The following CTNND2 variants were observed in gnomAD, a reference collection of about 807,000 sequenced individuals.
CTNND2 encodes the protein catenin delta-2.
CTNND2 carries 22 observed loss-of-function variants against 144.4 expected under a neutral mutation model. The ratio of observed to expected loss-of-function variants is 0.15; its 90% CI spans 0.11 to 0.22. The LOEUF (loss-of-function observed/expected upper bound fraction) is 0.22, where lower values mean the gene tolerates loss of function less well. CTNND2 is among the 10% of genes least tolerant of loss of function. CTNND2 has a pLI of 1.00. For missense variants in CTNND2, 1,353 were observed against 1,618.8 expected, an observed-to-expected ratio of 0.84 and a Z score of 2.82; for synonymous variants, 751 against 695.6, an observed-to-expected ratio of 1.08 and a Z score of -1.25.
At chr5:11,679,002 C>T (rs915115988) in intron 2 of CTNND2, among the ~76,000 whole-genome samples, 1 of 151,954 alleles carries the variant, frequency 6.6e-6, no homozygotes, top group Admixed American at 6.6e-5. Flanking sequence ...TCTGGAATTA[C>T]ATTACTCTCA....
In CTNND2 at chr5:11,198,977, T is replaced by G. The variant is rs61751782; in HGVS notation, c.1975+471A>C. On this transcript the variant is annotated intron_variant, in intron 11 of 21. Coordinates refer to ENST00000304623, the MANE Select transcript of CTNND2 (RefSeq NM_001332.4). ...GCTTTAATGTTCCCTTTTTGAAAAT[T>G]CCTTAATATGTAATAATTGTGACTT... is the stretch of plus-strand genomic sequence containing the variant. 9.6e-3 allele frequency among the ~76,000 whole-genome samples: 1,458 copies of G among 152,336 alleles called. 17 individuals carry two copies. The highest frequency in any genetic ancestry group is 0.033 in the South Asian group (158 of 4,826).
chr5:11,361,176 A>G (rs1390524289), intron 8 of CTNND2, among the ~76,000 whole-genome samples: 1 of 152,076 alleles, frequency 6.6e-6, no homozygotes, highest in African/African-American at 2.4e-5. Flanking sequence ...GCCTGCCACC[A>G]TGCCCGGCTA....
At chr5:10,994,806 G>C (rs892674848) in intron 18 of CTNND2, among the ~76,000 whole-genome samples, 28 of 152,142 alleles carry the variant, frequency 1.8e-4, no homozygotes, top group African/African-American at 6.8e-4. Context: ...CTGCTTGGGA[G>C]GTCACTCCCC....
At chr5:11,329,654 C>A (rs1752881313) in intron 9 of CTNND2, among the ~76,000 whole-genome samples, 1 of 152,052 alleles carries the variant, frequency 6.6e-6, no homozygotes, top group Non-Finnish European at 1.5e-5. Context: ...CAATAGCAGC[C>A]CAGGAAGTCA....
At chr5:11,654,659 GT>G (rs57349888) in intron 2 of CTNND2, among the ~76,000 whole-genome samples, 106 of 144,158 alleles carry the variant, frequency 7.4e-4, no homozygotes, top group Non-Finnish European at 7.4e-4. Flanking sequence ...CGTCTTTAGG[GT>G]TTTTTTTTTT....
rs192753649 is a variant in CTNND2, at chr5:11,693,665, T to C, written c.174+38471A>G. 5.0e-3 allele frequency among the ~76,000 whole-genome samples: 762 copies of C among 152,332 alleles called. 8 individuals carry two copies. Among genetic ancestry groups the C allele is most frequent in the African/African-American group, 0.017 (724 of 41,582 alleles). On this transcript the variant is annotated intron_variant, in intron 2 of 21. Transcript: ENST00000304623. Reference sequence around the variant, plus strand: ...CTGGTGTATGCCTGTCATACAGAAATGCTCCATAAATATTTGGAGAATGAG... The same window carrying C: ...CTGGTGTATGCCTGTCATACAGAAACGCTCCATAAATATTTGGAGAATGAG...
chr5:11,662,287 A>C (rs1783309605), intron 2 of CTNND2, among the ~76,000 whole-genome samples: 1 of 149,014 alleles, frequency 6.7e-6, no homozygotes, highest in Admixed American at 6.8e-5. Context: ...ATATATATAT[A>C]TATAGACAGA....
At chr5:11,030,344 C>A (rs1001786383) in intron 16 of CTNND2, among the ~76,000 whole-genome samples, 1 of 152,060 alleles carries the variant, frequency 6.6e-6, no homozygotes, top group African/African-American at 2.4e-5. Flanking sequence ...CCCTTTCCCA[C>A]TTTTTTTCTC....
rs78305789 is a variant in CTNND2 at position 11,522,528 on chromosome 5, C to T, written c.287+42416G>A. 4.3e-3 allele frequency among the ~76,000 whole-genome samples: 661 copies of T among 152,276 alleles called. 4 individuals are homozygous for T. Among genetic ancestry groups the T allele is most frequent in the African/African-American group, 0.015 (643 of 41,552 alleles). ...CCATGTTAGATTTTAACGTTATACC[C>T]GGGCTCTATCTACAGGGAGACAATA... is the stretch of plus-strand genomic sequence containing the variant. On this transcript the variant is annotated intron_variant, in intron 3 of 21. Transcript: ENST00000304623.
rs1393788448 is a variant in CTNND2 at position 11,903,875 on chromosome 5, T to G, written c.-22A>C. On this transcript the variant is annotated 5_prime_UTR_variant, in exon 1 of 22. Coordinates refer to ENST00000304623, the MANE Select transcript of CTNND2 (RefSeq NM_001332.4). This position sits in a 1 kb window ranked among gnomAD's most constrained non-coding sequence, Gnocchi z 5.4. ...ACATGCACCCTCCGCCGGCGACAGCTCCTCAGTCCGGGAAGAGGCGTGCGC... is the reference window on the plus strand; with the variant it reads ...ACATGCACCCTCCGCCGGCGACAGCGCCTCAGTCCGGGAAGAGGCGTGCGC... 1.4e-6 allele frequency: 2 copies of G among 1,462,460 alleles called. No individual in the cohort carries two copies. Among genetic ancestry groups the G allele is most frequent in the South Asian group, 2.6e-5 (2 of 75,756 alleles). 90.6% of individuals were successfully genotyped at this position (1,462,460 alleles called of 1,614,324 possible).
chr5:11,742,460 C>T (rs1788072509), intron 1 of CTNND2, among the ~76,000 whole-genome samples: 1 of 152,126 alleles, frequency 6.6e-6, no homozygotes, highest in Non-Finnish European at 1.5e-5. Flanking sequence ...GCCTTCTTTC[C>T]TTCTCTCATG....
chr5:11,497,054 G>A lies in CTNND2; in HGVS notation c.287+67890C>T, dbSNP rs995476811. Among the ~76,000 whole-genome samples, 3 of 152,134 alleles carry A rather than the reference G, an allele frequency of 2.0e-5. No individual in the cohort carries two copies. In the South Asian group the frequency reaches 6.2e-4, roughly 32 times the overall value. Reference sequence around the variant, plus strand: ...TACAGGGTTAGTAAACAGAAGCTCAGAAAAGCCAGGTCCCTTGATGAAGGA... The same window carrying A: ...TACAGGGTTAGTAAACAGAAGCTCAAAAAAGCCAGGTCCCTTGATGAAGGA... On this transcript the variant is annotated intron_variant, in intron 3 of 21. Coordinates refer to ENST00000304623, the MANE Select transcript of CTNND2 (RefSeq NM_001332.4).
chr5:11,618,018 GT>G (rs1233637625), intron 2 of CTNND2, among the ~76,000 whole-genome samples: 1 of 151,892 alleles, frequency 6.6e-6, no homozygotes, highest in Admixed American at 6.6e-5. Flanking sequence ...TATTTTTCAC[GT>G]ATTTAGGACT....
chr5:11,135,503 C>T (rs6892380), intron 12 of CTNND2, among the ~76,000 whole-genome samples: 93,820 of 151,990 alleles, frequency 0.62, 29,001 homozygotes, highest in East Asian at 0.74. Context: ...TTCTATATCA[C>T]ACAAATGTAC....
Position 11,357,353 on chromosome 5 carries a change from A to G in CTNND2, c.1372+7343T>C, listed in dbSNP as rs77914304. 7.6e-4 allele frequency among the ~76,000 whole-genome samples: 115 copies of G among 152,280 alleles called. 3 individuals are homozygous for G. The East Asian group carries it at 0.021, about 28-fold the overall frequency. On this transcript the variant is annotated intron_variant, in intron 8 of 21. Transcript: ENST00000304623. ...AAACAGAATACTATTCAGACATTTAAGAAAAATGAAATCCTGCCATTTGTG... is the reference window on the plus strand; with the variant it reads ...AAACAGAATACTATTCAGACATTTAGGAAAAATGAAATCCTGCCATTTGTG...
At chr5:11,298,583 T>G (rs1174386675) in intron 9 of CTNND2, among the ~76,000 whole-genome samples, 1 of 152,234 alleles carries the variant, frequency 6.6e-6, no homozygotes, top group Non-Finnish European at 1.5e-5. Flanking sequence ...CCTAAATCAT[T>G]GGATTTTCTC....
At chr5:11,436,295 T>C (rs1310266571) in intron 3 of CTNND2, among the ~76,000 whole-genome samples, 1 of 152,110 alleles carries the variant, frequency 6.6e-6, no homozygotes, top group Non-Finnish European at 1.5e-5. Flanking sequence ...AAAATCTCAC[T>C]ATCCCTGGAA....
intron 9 of CTNND2, among the ~76,000 whole-genome samples, chr5:11,305,793 A>T (rs1426325895): frequency 1.3e-5 from 2 of 152,240 alleles, no homozygotes; most frequent in Non-Finnish European, 2.9e-5. Context: ...AGGATTCAGA[A>T]CGTGTTCTTC....
chr5:11,443,186 GGT>G lies in CTNND2; in HGVS notation c.288-31119_288-31118del, dbSNP rs576435236. Among the ~76,000 whole-genome samples, 37 of 148,124 alleles carry G rather than the reference GGT, an allele frequency of 2.5e-4. 1 individual carries two copies. Among genetic ancestry groups the G allele is most frequent in the African/African-American group, 6.2e-4 (25 of 40,232 alleles). ...CTTTAAATATGTTTGTGTGGTGTGT[GGT>G]GTGTGTGTGTGTGGTGTGTATGTGT... On this transcript the variant is annotated intron_variant, in intron 3 of 21. Transcript: ENST00000304623.
Sources: allele counts gnomAD v4.1 joint callset (sites outside exome capture counted in the v4.1 genomes callset), GRCh38; gene constraint gnomAD v4.1.1; non-coding constraint Gnocchi (gnomAD v3.1); transcripts MANE v1.5; gene names NCBI Gene and HGNC (gene_info 2026-07-23, HGNC 2026-07-21).